The following MAGI2 variants were observed in gnomAD, a reference collection of about 807,000 sequenced individuals.
MAGI2 encodes the protein membrane-associated guanylate kinase, WW and PDZ domain-containing protein 2.
A neutral mutation model predicts 133.3 loss-of-function variants in MAGI2; 35 were observed. The observed-to-expected ratio is 0.26, with a 90% CI of 0.20 to 0.35. The LOEUF (loss-of-function observed/expected upper bound fraction) is 0.35, where lower values mean the gene tolerates loss of function less well. Ranked by LOEUF, MAGI2 falls within the 10% of genes least tolerant of loss-of-function variation. The probability of loss-of-function intolerance (pLI) is 1.00; values close to 1 mark genes in which losing one functional copy is unlikely to be tolerated. For missense variants in MAGI2, 1,636 were observed against 1,863.4 expected, an observed-to-expected ratio of 0.88 and a Z score of 2.25; for synonymous variants, 729 against 710.6, an observed-to-expected ratio of 1.03 and a Z score of -0.41.
intron 20 of MAGI2, among the ~76,000 whole-genome samples, chr7:78,111,423 A>C (rs1819349196): frequency 6.6e-6 from 1 of 152,188 alleles, no homozygotes; most frequent in Non-Finnish European, 1.5e-5. Flanking sequence ...TTCCTTACCA[A>C]ACCTTTAACT....
chr7:78,720,141 C>T (rs1328026134), intron 2 of MAGI2, among the ~76,000 whole-genome samples: 1 of 152,018 alleles, frequency 6.6e-6, no homozygotes, highest in African/African-American at 2.4e-5. Flanking sequence ...ATCTAATTAA[C>T]TATATATAAA....
chr7:78,306,335 T>C (rs1185297761), intron 9 of MAGI2, among the ~76,000 whole-genome samples: 1 of 152,226 alleles, frequency 6.6e-6, no homozygotes, highest in African/African-American at 2.4e-5. Flanking sequence ...ATGGGTTATA[T>C]GATGTACTTT....
intron 1 of MAGI2, among the ~76,000 whole-genome samples, chr7:79,244,312 A>G (rs1832656545): frequency 6.6e-6 from 1 of 152,246 alleles, no homozygotes; most frequent in Admixed American, 6.5e-5. Flanking sequence ...GAGCAATCAC[A>G]GTACCTGGTT....
intron 10 of MAGI2, among the ~76,000 whole-genome samples, chr7:78,239,683 A>G (rs960196469): frequency 1.3e-5 from 2 of 152,264 alleles, no homozygotes; most frequent in African/African-American, 4.8e-5. Flanking sequence ...CATCAGGGAA[A>G]TGCAAATCAA....
rs144726248 is a variant in MAGI2 at position 78,275,905 on chromosome 7, T to C, written c.1409-19324A>G. Among the ~76,000 whole-genome samples, 404 of 152,274 alleles carry C rather than the reference T, an allele frequency of 2.7e-3. 1 individual carries two copies. The highest frequency in any genetic ancestry group is 9.5e-3 in the African/African-American group (393 of 41,574). ...GAACACCTGAAACATATACGTAATA[T>C]CTTTTTTGTACACTGTATTTTCAGT... On this transcript the variant is annotated intron_variant, in intron 9 of 21. Coordinates refer to ENST00000354212, the MANE Select transcript of MAGI2 (RefSeq NM_012301.4).
Position 78,918,169 on chromosome 7 carries a change from T to G in MAGI2, c.418+88921A>C, listed in dbSNP as rs567408075. 2.6e-5 allele frequency among the ~76,000 whole-genome samples: 4 copies of G among 152,270 alleles called. No individual in the cohort carries two copies. In the South Asian group the frequency reaches 8.3e-4, roughly 32 times the overall value. The stretch of plus-strand genomic sequence containing the variant: ...GCTTGTTATGAATAGCAAAAGACAC[T>G]TCTATTACTCAAGAAATTCCAAGGG... On this transcript the variant is annotated intron_variant, in intron 2 of 21. Transcript: ENST00000354212.
At chr7:78,968,023 G>GTT (rs1336933665) in intron 2 of MAGI2, among the ~76,000 whole-genome samples, 1 of 151,860 alleles carries the variant, frequency 6.6e-6, no homozygotes, top group Non-Finnish European at 1.5e-5. Flanking sequence ...TACAGAAGGG[G>GTT]TTTCACCATG....
At chr7:78,866,228 GTTGA>G (rs1462403133) in intron 2 of MAGI2, among the ~76,000 whole-genome samples, 9 of 152,154 alleles carry the variant, frequency 5.9e-5, no homozygotes, top group African/African-American at 1.7e-4. Flanking sequence ...TAGTTGGAGA[GTTGA>G]TTGATATACC....
chr7:79,090,617 G>A (rs909355659), intron 1 of MAGI2, among the ~76,000 whole-genome samples: 9 of 152,050 alleles, frequency 5.9e-5, no homozygotes, highest in Admixed American at 3.3e-4. Flanking sequence ...TTAAGTACAC[G>A]CAACCTAAAT....
At chr7:78,035,992 G>A (rs1184989978) in intron 21 of MAGI2, among the ~76,000 whole-genome samples, 1 of 152,102 alleles carries the variant, frequency 6.6e-6, no homozygotes, top group Non-Finnish European at 1.5e-5. Context: ...TTATTTTAAA[G>A]TCTCACATTT....
At chr7:78,962,527 C>T (rs1331709003) in intron 2 of MAGI2, among the ~76,000 whole-genome samples, 30 of 148,316 alleles carry the variant, frequency 2.0e-4, no homozygotes, top group Non-Finnish European at 1.3e-4. Flanking sequence ...TTTTTTCTTC[C>T]CAGATAGGTA....
At chr7:78,101,254 A>G (rs1818187205) in intron 20 of MAGI2, among the ~76,000 whole-genome samples, 1 of 152,260 alleles carries the variant, frequency 6.6e-6, no homozygotes, top group Non-Finnish European at 1.5e-5. Flanking sequence ...AGCAATCTTA[A>G]GAATGAAGAG....
At chr7:78,222,763 C>T (rs999274457) in intron 10 of MAGI2, among the ~76,000 whole-genome samples, 4 of 152,136 alleles carry the variant, frequency 2.6e-5, no homozygotes, top group Non-Finnish European at 4.4e-5. Context: ...TGTACTGTTG[C>T]AGGAAACTTC....
intron 6 of MAGI2, among the ~76,000 whole-genome samples, chr7:78,430,995 A>G (rs1370573960): frequency 6.6e-6 from 1 of 151,882 alleles, no homozygotes; most frequent in Non-Finnish European, 1.5e-5. Context: ...ATATTATTTA[A>G]TTCATTTCCC....
intron 1 of MAGI2, among the ~76,000 whole-genome samples, chr7:79,203,542 CTA>C (rs2129552096): frequency 6.6e-6 from 1 of 152,070 alleles, no homozygotes; most frequent in Admixed American, 6.5e-5. Flanking sequence ...TTTGTTTTTA[CTA>C]TGTTATAGCA....
At chr7:78,947,174 C>A (rs552092084) in intron 2 of MAGI2, among the ~76,000 whole-genome samples, 2 of 152,076 alleles carry the variant, frequency 1.3e-5, no homozygotes, top group African/African-American at 4.8e-5. Flanking sequence ...AAAAAACAAA[C>A]CAAAACAAAC....
rs559260380 is a variant in MAGI2, at chr7:79,441,158, G to A, written c.301+11862C>T. On this transcript the variant is annotated intron_variant, in intron 1 of 21. Transcript: ENST00000354212. The stretch of plus-strand genomic sequence containing the variant: ...CCGCGGTCTGAGGCCATCCTGATAC[G>A]AAACACTTACCAGTGTTATAAACAT... Among the ~76,000 whole-genome samples the A allele has an allele frequency of 1.3e-4, 20 of 152,274 alleles. No individual in the cohort carries two copies. In the East Asian group the frequency reaches 3.3e-3, roughly 25 times the overall value.
intron 3 of MAGI2, among the ~76,000 whole-genome samples, chr7:78,523,499 T>TA (rs889603668): frequency 8.0e-5 from 12 of 150,404 alleles, no homozygotes; most frequent in Middle Eastern, 6.8e-3. Flanking sequence ...ATAAATAAAA[T>TA]AAAAAATAAA....
chr7:79,373,023 C>A (rs1475728219), intron 1 of MAGI2, among the ~76,000 whole-genome samples: 1 of 151,980 alleles, frequency 6.6e-6, no homozygotes, highest in Non-Finnish European at 1.5e-5. Flanking sequence ...ATAAAGAATA[C>A]TTCATTTAAA....
Sources: allele counts gnomAD v4.1 joint callset (sites outside exome capture counted in the v4.1 genomes callset), GRCh38; gene constraint gnomAD v4.1.1; transcripts MANE v1.5; gene names NCBI Gene and HGNC (gene_info 2026-07-23, HGNC 2026-07-21).